Variants in CNTNAP2 observed in about 807,000 individuals in gnomAD.
CNTNAP2 encodes contactin-associated protein-like 2.
A neutral mutation model predicts 155.2 loss-of-function variants in CNTNAP2; 98 were observed. The ratio of observed to expected loss-of-function variants is 0.63; its 90% CI spans 0.54 to 0.75. The LOEUF (loss-of-function observed/expected upper bound fraction) is 0.75, where lower values mean the gene tolerates loss of function less well. Ranked by LOEUF, CNTNAP2 falls within the 30% of genes least tolerant of loss-of-function variation. The probability of loss-of-function intolerance (pLI) is 0.00; values close to 1 mark genes in which losing one functional copy is unlikely to be tolerated. For missense variants in CNTNAP2, 1,727 were observed against 1,688.1 expected (o/e 1.02, Z -0.40); for synonymous variants, 651 against 631.2 (o/e 1.03, Z -0.47).
In CNTNAP2 at chr7:147,070,125, G is replaced by A. The variant is rs180707903; in HGVS notation, c.550+26071G>A. Among the ~76,000 whole-genome samples, 8 of 152,254 alleles carry A rather than the reference G, an allele frequency of 5.3e-5. No homozygotes were observed. In the East Asian group the frequency reaches 1.4e-3, roughly 26 times the overall value. On this transcript the variant is annotated intron_variant, in intron 4 of 23. Coordinates refer to ENST00000361727, the MANE Select transcript of CNTNAP2 (RefSeq NM_014141.6). ...TCTCTTTTCAACCAGAAACAAAATA[G>A]ACTGGCTCAGTACTATGCTTTTTAC... is the stretch of plus-strand genomic sequence containing the variant.
chr7:148,283,290 A>T (rs1293236705), intron 21 of CNTNAP2, among the ~76,000 whole-genome samples: 1 of 96,496 alleles, frequency 1.0e-5, no homozygotes, highest in Non-Finnish European at 2.1e-5. Flanking sequence ...AAAGAAAGAA[A>T]GAAAGAAAGA....
chr7:146,152,720 A>G (rs1798069750), intron 1 of CNTNAP2, among the ~76,000 whole-genome samples: 1 of 152,130 alleles, frequency 6.6e-6, no homozygotes, highest in African/African-American at 2.4e-5. Context: ...CACCACATGG[A>G]CAATATAACA....
In CNTNAP2 at chr7:146,837,869, A is replaced by G. The variant is rs146871522; in HGVS notation, c.209-1842A>G. 3.7e-4 allele frequency among the ~76,000 whole-genome samples: 56 copies of G among 152,196 alleles called. No individual in the cohort carries two copies. In the East Asian group the frequency reaches 0.011, roughly 29 times the overall value. ...TGGAGGGATTCAACAAGGTCTCTCA[A>G]TTTTGTCTAGTCTGAAATCAAATTT... is the stretch of plus-strand genomic sequence containing the variant. On this transcript the variant is annotated intron_variant, in intron 2 of 23. Transcript: ENST00000361727.
At chr7:146,497,974 T>A (rs1346847060) in intron 1 of CNTNAP2, among the ~76,000 whole-genome samples, 1 of 151,612 alleles carries the variant, frequency 6.6e-6, no homozygotes, top group Non-Finnish European at 1.5e-5. Context: ...GATTACTTAC[T>A]TACTAAAGTA....
intron 10 of CNTNAP2, among the ~76,000 whole-genome samples, chr7:147,450,260 T>A (rs757668032): frequency 6.6e-6 from 1 of 152,210 alleles, no homozygotes; most frequent in Non-Finnish European, 1.5e-5. Flanking sequence ...GTTGGAGATA[T>A]CCATGTGAGA....
Position 146,660,114 on chromosome 7 carries a change from GA to G in CNTNAP2, c.98-114154del, listed in dbSNP as rs1800061487. Reference sequence around the variant, plus strand: ...GGATGCCTTTCTTTTATATGCAAGAGAAATAAAGACTTGAATGGTAATAAGG... The same window carrying G: ...GGATGCCTTTCTTTTATATGCAAGAGAATAAAGACTTGAATGGTAATAAGG... On this transcript the variant is annotated intron_variant, in intron 1 of 23. Coordinates refer to ENST00000361727, the MANE Select transcript of CNTNAP2 (RefSeq NM_014141.6). 5.3e-5 allele frequency among the ~76,000 whole-genome samples: 8 copies of G among 152,254 alleles called. No homozygotes were observed. The South Asian group carries it at 1.7e-3, about 32-fold the overall frequency.
At chr7:148,090,260 G>A (rs989807492) in intron 15 of CNTNAP2, among the ~76,000 whole-genome samples, 5 of 152,010 alleles carry the variant, frequency 3.3e-5, no homozygotes, top group East Asian at 1.9e-4. Flanking sequence ...CAAATGGAAT[G>A]ACATCAAACT....
chr7:147,564,311 G>A (rs1297085798), intron 12 of CNTNAP2, among the ~76,000 whole-genome samples: 1 of 152,086 alleles, frequency 6.6e-6, no homozygotes, highest in Non-Finnish European at 1.5e-5. Flanking sequence ...GCATGTCTCA[G>A]AGAAGGAACA....
At chr7:147,349,216 A>G (rs569554715) in intron 9 of CNTNAP2, among the ~76,000 whole-genome samples, 1 of 151,922 alleles carries the variant, frequency 6.6e-6, no homozygotes, top group Non-Finnish European at 1.5e-5. Context: ...GTTATACATT[A>G]TATGTATTGA....
chr7:148,161,915 C>T (rs567384599), intron 17 of CNTNAP2, among the ~76,000 whole-genome samples: 1 of 152,252 alleles, frequency 6.6e-6, no homozygotes, highest in African/African-American at 2.4e-5. Context: ...CTTTTTCCTC[C>T]ACCCCTTTGC....
At chr7:146,976,120 C>T (rs891120342) in intron 3 of CNTNAP2, among the ~76,000 whole-genome samples, 1 of 152,148 alleles carries the variant, frequency 6.6e-6, no homozygotes, top group Non-Finnish European at 1.5e-5. Flanking sequence ...TTTGTTAATT[C>T]AAGTGGTGAG....
chr7:147,389,966 A>G (rs908232099), intron 9 of CNTNAP2, among the ~76,000 whole-genome samples: 5 of 152,300 alleles, frequency 3.3e-5, no homozygotes, highest in African/African-American at 1.2e-4. Flanking sequence ...GCAAATTTAT[A>G]TTACCAAAAA....
chr7:148,184,912 C>G (rs1011719253), intron 18 of CNTNAP2, among the ~76,000 whole-genome samples: 1 of 152,194 alleles, frequency 6.6e-6, no homozygotes, highest in Non-Finnish European at 1.5e-5. Flanking sequence ...CTTTGAAAAG[C>G]ATTAATGTTA....
chr7:147,971,619 T>C (rs1372795299), intron 14 of CNTNAP2, among the ~76,000 whole-genome samples: 2 of 152,236 alleles, frequency 1.3e-5, no homozygotes, highest in Non-Finnish European at 2.9e-5. Context: ...TTGCAACATG[T>C]ATTCAGATTT....
intron 4 of CNTNAP2, among the ~76,000 whole-genome samples, chr7:147,103,911 T>C (rs1800703742): frequency 6.6e-6 from 1 of 152,020 alleles, no homozygotes; most frequent in African/African-American, 2.4e-5. Flanking sequence ...GGGTCAAGGT[T>C]ATGAAAGACA....
At chr7:147,444,612 G>A (rs1386707803) in intron 10 of CNTNAP2, among the ~76,000 whole-genome samples, 1 of 149,000 alleles carries the variant, frequency 6.7e-6, no homozygotes, top group East Asian at 2.0e-4. Flanking sequence ...TTAGGTTGTT[G>A]GAATTACAGG....
At chr7:146,211,250 TG>T (rs1402581283) in intron 1 of CNTNAP2, among the ~76,000 whole-genome samples, 1 of 152,134 alleles carries the variant, frequency 6.6e-6, no homozygotes, top group Non-Finnish European at 1.5e-5. Context: ...TTCAGACATC[TG>T]AAAAAAATAT....
chr7:146,452,874 G>C (rs186805603), intron 1 of CNTNAP2, among the ~76,000 whole-genome samples: 1 of 152,188 alleles, frequency 6.6e-6, no homozygotes, highest in Non-Finnish European at 1.5e-5. Context: ...ATATGAAATA[G>C]TGATTTTGCA....
intron 8 of CNTNAP2, among the ~76,000 whole-genome samples, chr7:147,222,773 A>G (rs1584801550): frequency 7.1e-6 from 1 of 140,156 alleles, no homozygotes; most frequent in Non-Finnish European, 1.5e-5. Context: ...TAGTACCCCT[A>G]TGCCTTTGGA....
Sources: allele counts gnomAD v4.1 joint callset (sites outside exome capture counted in the v4.1 genomes callset), GRCh38; gene constraint gnomAD v4.1.1; transcripts MANE v1.5; gene names NCBI Gene and HGNC (gene_info 2026-07-23, HGNC 2026-07-21).